The following ELMO1 variants were observed in gnomAD, a reference collection of about 807,000 sequenced individuals.
ELMO1 encodes the protein engulfment and cell motility protein 1.
ELMO1 carries 26 observed loss-of-function variants against 98.9 expected under a neutral mutation model. That is an observed-to-expected ratio of 0.26 (90% CI 0.19 to 0.36). The LOEUF (loss-of-function observed/expected upper bound fraction) is 0.36, where lower values mean the gene tolerates loss of function less well. Ranked by LOEUF, ELMO1 falls within the 10% of genes least tolerant of loss-of-function variation. The pLI, the probability that ELMO1 is intolerant of heterozygous loss-of-function variation, is 1.00. For synonymous variants in ELMO1, 346 were observed against 346.0 expected (o/e 1.00, Z 0.00); for missense variants, 627 against 935.2 (o/e 0.67, Z 4.30).
rs533371801 is a variant in ELMO1, at chr7:36,977,949, G to T, written c.1437+35350C>A. 3.9e-5 allele frequency among the ~76,000 whole-genome samples: 6 copies of T among 152,172 alleles called. 1 individual carries two copies. Among genetic ancestry groups the T allele is most frequent in the African/African-American group, 7.2e-5 (3 of 41,512 alleles). ...CTTATTGTAGCTTCCATATTCTGGG[G>T]AATTCCAACTCTGAGGCTAATGATT... On this transcript the variant is annotated intron_variant, in intron 16 of 21. Transcript: ENST00000310758.
intron 2 of ELMO1, among the ~76,000 whole-genome samples, chr7:37,323,629 A>G (rs1347279307): frequency 6.6e-6 from 1 of 152,172 alleles, no homozygotes; most frequent in Non-Finnish European, 1.5e-5. Context: ...GGCAGAGGAA[A>G]AAAACAAAAG....
At chr7:37,174,361 G>T (rs1272083956) in intron 13 of ELMO1, among the ~76,000 whole-genome samples, 1 of 152,142 alleles carries the variant, frequency 6.6e-6, no homozygotes, top group African/African-American at 2.4e-5. Context: ...GGGGTTTAGA[G>T]AACTCTATTT....
intron 15 of ELMO1, among the ~76,000 whole-genome samples, chr7:37,040,728 A>G (rs1199401607): frequency 2.0e-5 from 3 of 152,162 alleles, no homozygotes. Flanking sequence ...CCTGGTGGGT[A>G]TAAGCAGCAA....
At chr7:36,908,176 G>A (rs79789480) in intron 16 of ELMO1, among the ~76,000 whole-genome samples, 2,994 of 152,304 alleles carry the variant, frequency 0.02, 101 homozygotes, top group African/African-American at 0.069. Flanking sequence ...TTGTTGTAAG[G>A]ACATAGTTAT....
At chr7:36,929,730 T>C (rs1216142541) in intron 16 of ELMO1, among the ~76,000 whole-genome samples, 1 of 152,212 alleles carries the variant, frequency 6.6e-6, no homozygotes, top group Non-Finnish European at 1.5e-5. Flanking sequence ...TGGCGATGTA[T>C]ACTGAAATAT....
rs141939693 is a variant in ELMO1, at chr7:37,253,732, A to C, written c.413+5449T>G. 9.6e-3 allele frequency among the ~76,000 whole-genome samples: 1,454 copies of C among 151,814 alleles called. 32 individuals carry two copies. Among genetic ancestry groups the C allele is most frequent in the African/African-American group, 0.034 (1,394 of 41,296 alleles). ...CAAGAACTTAAAGTAAAAAAAAAAAAAAAACAAAAAGCCCAGCCTTGGGTA... is the reference window on the plus strand; with the variant it reads ...CAAGAACTTAAAGTAAAAAAAAAAACAAAACAAAAAGCCCAGCCTTGGGTA... On this transcript the variant is annotated intron_variant, in intron 6 of 21. Transcript: ENST00000310758.
intron 12 of ELMO1, 75 bp downstream of exon 12, chr7:37,213,260 G>C: frequency 6.5e-7 from 1 of 1,543,436 alleles, no homozygotes; most frequent in Non-Finnish European, 8.8e-7. Flanking sequence ...CTAGTTTCAG[G>C]GTACCTCAAG....
At chr7:37,442,443 G>T (rs1304098951) in intron 1 of ELMO1, among the ~76,000 whole-genome samples, 1 of 152,184 alleles carries the variant, frequency 6.6e-6, no homozygotes, top group Non-Finnish European at 1.5e-5. Flanking sequence ...CCTTCCAACT[G>T]GTTCCTTCCC....
intron 3 of ELMO1, 62 bp downstream of exon 3, chr7:37,315,858 A>G: frequency 7.2e-7 from 1 of 1,394,934 alleles, no homozygotes; most frequent in Non-Finnish European, 1.0e-6. Flanking sequence ...TACTGGAAAT[A>G]TATTATTTGC....
At chr7:36,872,708 A>G (rs1035753167) in intron 19 of ELMO1, among the ~76,000 whole-genome samples, 7 of 152,220 alleles carry the variant, frequency 4.6e-5, no homozygotes, top group African/African-American at 1.7e-4. Context: ...TACCGTAGGA[A>G]GGGACATTTG....
At chr7:37,080,506 C>T (rs1797810066) in intron 15 of ELMO1, among the ~76,000 whole-genome samples, 1 of 149,268 alleles carries the variant, frequency 6.7e-6, no homozygotes, top group South Asian at 2.1e-4. Context: ...GGCGTGATCT[C>T]AGTTCACTGC....
intron 4 of ELMO1, among the ~76,000 whole-genome samples, chr7:37,291,577 C>T (rs1395501461): frequency 1.3e-5 from 2 of 152,232 alleles, no homozygotes; most frequent in African/African-American, 2.4e-5. Flanking sequence ...AGATAATAAA[C>T]ACAGAAAAAT....
chr7:37,085,092 G>C (rs1276129686), intron 15 of ELMO1, among the ~76,000 whole-genome samples: 1 of 152,148 alleles, frequency 6.6e-6, no homozygotes, highest in East Asian at 1.9e-4. Context: ...AAGTTCAAGT[G>C]CCCAAGGCTG....
chr7:37,107,098 T>C (rs1440153068), intron 14 of ELMO1, among the ~76,000 whole-genome samples: 1 of 152,206 alleles, frequency 6.6e-6, no homozygotes, highest in Non-Finnish European at 1.5e-5. Flanking sequence ...ATTCATTCCA[T>C]GAATATTTTT....
At chr7:37,036,142 T>C (rs777685581) in intron 15 of ELMO1, among the ~76,000 whole-genome samples, 7 of 152,276 alleles carry the variant, frequency 4.6e-5, no homozygotes, top group Non-Finnish European at 7.4e-5. Context: ...TGGATATTTC[T>C]AGGCTACACA....
intron 13 of ELMO1, among the ~76,000 whole-genome samples, chr7:37,155,086 T>A (rs1057269410): frequency 6.6e-6 from 1 of 152,052 alleles, no homozygotes; most frequent in Non-Finnish European, 1.5e-5. Context: ...AGAAATAAAA[T>A]CCTTTACAGA....
At chr7:36,888,610 T>C (rs1314019222) in intron 17 of ELMO1, among the ~76,000 whole-genome samples, 1 of 152,218 alleles carries the variant, frequency 6.6e-6, no homozygotes, top group Non-Finnish European at 1.5e-5. Context: ...GGAATAAGAA[T>C]CTTTCCTGCT....
chr7:37,164,524 A>C lies in ELMO1; in HGVS notation c.1087-31290T>G, dbSNP rs561836002. Reference sequence around the variant, plus strand: ...TGAATTGATTTTTGTACAAGGTGTAAGGAAGGGATCCAGTTTCAGCTTTCT... The same window carrying C: ...TGAATTGATTTTTGTACAAGGTGTACGGAAGGGATCCAGTTTCAGCTTTCT... On this transcript the variant is annotated intron_variant, in intron 13 of 21. Coordinates refer to ENST00000310758, the MANE Select transcript of ELMO1 (RefSeq NM_014800.11). Among the ~76,000 whole-genome samples the C allele has an allele frequency of 4.8e-4, 73 of 152,316 alleles. 1 individual carries two copies. Among genetic ancestry groups the C allele is most frequent in the Admixed American group, 2.4e-3 (37 of 15,300 alleles).
intron 1 of ELMO1, among the ~76,000 whole-genome samples, chr7:37,383,556 T>A (rs991511695): frequency 6.6e-6 from 1 of 152,358 alleles, no homozygotes; most frequent in African/African-American, 2.4e-5. Context: ...TTTCAAAACA[T>A]TTCATAAATG....
Sources: allele counts gnomAD v4.1 joint callset (sites outside exome capture counted in the v4.1 genomes callset), GRCh38; gene constraint gnomAD v4.1.1; transcripts MANE v1.5; gene names NCBI Gene and HGNC (gene_info 2026-07-23, HGNC 2026-07-21).